Variants in CA7 observed in about 807,000 individuals in gnomAD.
CA7 encodes the protein carbonic anhydrase 7.
In CA7, 13 loss-of-function variants were observed where a neutral mutation model predicts 31.4. The ratio of observed to expected loss-of-function variants is 0.41; its 90% CI spans 0.27 to 0.66. The LOEUF (loss-of-function observed/expected upper bound fraction) is 0.66, where lower values mean the gene tolerates loss of function less well. Among genes scored for constraint, CA7 ranks in the 30% least tolerant of loss-of-function variants. The probability of loss-of-function intolerance (pLI) is 0.28; values close to 1 mark genes in which losing one functional copy is unlikely to be tolerated. For synonymous variants in CA7, 128 were observed against 133.2 expected (o/e 0.96, Z 0.27); for missense variants, 215 against 351.0 (o/e 0.61, Z 3.10).
intron 2 of CA7, 59 bp from the exon 3 acceptor site, chr16:66,850,482 T>C (rs1407643892): frequency 3.1e-6 from 3 of 965,264 alleles, no homozygotes; most frequent in Non-Finnish European, 5.1e-6. Context: ...GCCCTGGTCC[T>C]GGCACTGGGC....
chr16:66,844,536 A>G lies in CA7; in HGVS notation c.40+9A>G, dbSNP rs1474867649. The stretch of plus-strand genomic sequence containing the variant: ...CTACGGCCAGGACGACGGTAGGCAC[A>G]GACCTCCCCCACCGCCTCTGGCTCG... On this transcript the variant is annotated intron_variant, in intron 1 of 6. Coordinates refer to ENST00000338437, the MANE Select transcript of CA7 (RefSeq NM_005182.3). 1.9e-6 allele frequency: 3 copies of G among 1,540,704 alleles called. No homozygotes were observed. The highest frequency in any genetic ancestry group is 1.8e-6 in the Non-Finnish European group (2 of 1,142,676).
At chr16:66,851,863 G>C in intron 5 of CA7, 137 bp downstream of exon 5, 1 of 765,194 alleles carries the variant, frequency 1.3e-6, no homozygotes, top group Admixed American at 2.1e-5. Flanking sequence ...CATCAGCAGG[G>C]CCCTGCACCT....
Position 66,853,850 on chromosome 16 carries a change from C to T in CA7, c.*352C>T, listed in dbSNP as rs942226767. On this transcript the variant is annotated 3_prime_UTR_variant, in exon 7 of 7. Transcript: ENST00000338437. This position sits in a 1 kb window ranked among gnomAD's most constrained non-coding sequence, Gnocchi z 4.5. ...ATGGAGGAGACTGAGCTCCCTGGGG[C>T]GGGCAGCTGACACTACCAGAGAGAC... The T allele has an allele frequency of 2.5e-5, 6 of 240,804 alleles. No individual in the cohort carries two copies. Among genetic ancestry groups the T allele is most frequent in the African/African-American group, 4.4e-5 (2 of 45,474 alleles). 14.9% of individuals were successfully genotyped at this position (240,804 alleles called of 1,614,324 possible).
At chr16:66,850,332 CG>C (rs1167537385) in intron 2 of CA7, among the ~76,000 whole-genome samples, 1 of 151,592 alleles carries the variant, frequency 6.6e-6, no homozygotes, top group Non-Finnish European at 1.5e-5. Context: ...CCCAGCTACT[CG>C]GGGGGGCCAA....
rs894161726 is a variant in CA7 at position 66,853,189 on chromosome 16, C to T, written c.673-187C>T. 6.6e-6 allele frequency among the ~76,000 whole-genome samples: 1 copy of T among 152,022 alleles called. No homozygotes were observed. The highest frequency in any genetic ancestry group is 1.5e-5 in the Non-Finnish European group (1 of 68,014). ...GAACTAGGTAAAGCAGAGCCCAGAC[C>T]CTTTAGTGAGTAAATAAATGAGGGT... On this transcript the variant is annotated intron_variant, in intron 6 of 6. Transcript: ENST00000338437. The surrounding 1 kb of genome is among the most constrained non-coding windows in gnomAD (Gnocchi z 4.5).
In CA7 at chr16:66,853,033, G is replaced by A. The variant is rs1961098796; in HGVS notation, c.672+166G>A. ...TTCTTGGTTGGGAGTTAGCTTGATT[G>A]TTAATCACCAGAACCTAGACACTGG... On this transcript the variant is annotated intron_variant, in intron 6 of 6. Coordinates refer to ENST00000338437, the MANE Select transcript of CA7 (RefSeq NM_005182.3). The surrounding 1 kb of genome is among the most constrained non-coding windows in gnomAD (Gnocchi z 4.5). Among the ~76,000 whole-genome samples, 1 of 152,184 alleles carries A rather than the reference G, an allele frequency of 6.6e-6. No homozygotes were observed. The highest frequency in any genetic ancestry group is 1.5e-5 in the Non-Finnish European group (1 of 68,034).
At chr16:66,848,486 G>C (rs1242580808) in intron 2 of CA7, among the ~76,000 whole-genome samples, 1 of 152,210 alleles carries the variant, frequency 6.6e-6, no homozygotes, top group Non-Finnish European at 1.5e-5. Context: ...GAAGACACAG[G>C]GGGACATGCC....
In CA7 at chr16:66,853,602, G is replaced by A. The variant is rs1045398171; in HGVS notation, c.*104G>A. ...GGCTTCCTCCCTGGGGGGTGCTGGGGACCCTCCTTCAGCCAGTTTGCTCCT... is the reference window on the plus strand; with the variant it reads ...GGCTTCCTCCCTGGGGGGTGCTGGGAACCCTCCTTCAGCCAGTTTGCTCCT... On this transcript the variant is annotated 3_prime_UTR_variant, in exon 7 of 7. Transcript: ENST00000338437. This position sits in a 1 kb window ranked among gnomAD's most constrained non-coding sequence, Gnocchi z 4.5. 6.7e-7 allele frequency: 1 copy of A among 1,484,112 alleles called. No individual in the cohort carries two copies. Among genetic ancestry groups the A allele is most frequent in the Non-Finnish European group, 9.1e-7 (1 of 1,096,976 alleles). The allele number at this position is 1,484,112 out of a possible 1,614,324, so 91.9% of individuals were successfully genotyped here. A position where few individuals can be genotyped will look rare whatever the true frequency, so the allele number is the denominator to read the frequency against.
intron 5 of CA7, among the ~76,000 whole-genome samples, 173 bp from the exon 6 acceptor site, chr16:66,852,539 G>A (rs7187958): frequency 0.053 from 7,024 of 132,804 alleles, 627 homozygotes; most frequent in African/African-American, 0.22. Flanking sequence ...GGAAAGGAAG[G>A]AAGGAAGGAA....
At chr16:66,848,072 T>C (rs990683680) in intron 2 of CA7, among the ~76,000 whole-genome samples, 2 of 152,116 alleles carry the variant, frequency 1.3e-5, no homozygotes, top group East Asian at 1.9e-4. Context: ...TCCCCACAAA[T>C]ACAATAAAAG....
intron 1 of CA7, chr16:66,844,859 G>A: frequency 9.6e-7 from 1 of 1,042,582 alleles, no homozygotes. Context: ...TGCGCAGCGC[G>A]TGGGGGTGGC....
At chr16:66,852,609 A>T in intron 5 of CA7, 103 bp from the exon 6 acceptor site, 1 of 356,946 alleles carries the variant, frequency 2.8e-6, no homozygotes, top group Non-Finnish European at 4.4e-6. Flanking sequence ...AAAGAAAAGA[A>T]AAAAGAAAAG....
chr16:66,851,492 G>A lies in CA7; in HGVS notation c.387G>A (p.Lys129=). The A allele has an allele frequency of 6.2e-7, 1 of 1,614,204 alleles. No homozygotes were observed. Among genetic ancestry groups the A allele is most frequent in the Admixed American group, 1.7e-5 (1 of 60,016 alleles). The change falls in exon 4 of 7, where the codon AAG becomes AAA. Residue 129 remains lysine, a synonymous_variant. Coordinates refer to ENST00000338437, the MANE Select transcript of CA7 (RefSeq NM_005182.3). ...ATCTGGTTCACTGGAATGCCAAGAA[G>A]TACAGCACTTTTGGGGAGGCGGCCT... ...ELHLVHWNAK[K]YSTFGEAASA...
Position 66,853,563 on chromosome 16 carries a change from A to T in CA7, c.*65A>T. ...CTCAAGGGCTTCCATGTCAGCAGAC[A>T]CCAAACCATCTGAGGCTTCCTCCCT... On this transcript the variant is annotated 3_prime_UTR_variant, in exon 7 of 7. Transcript: ENST00000338437. This position sits in a 1 kb window ranked among gnomAD's most constrained non-coding sequence, Gnocchi z 4.5. 6.3e-7 allele frequency: 1 copy of T among 1,597,116 alleles called. No homozygotes were observed. Among genetic ancestry groups the T allele is most frequent in the Non-Finnish European group, 8.5e-7 (1 of 1,172,580 alleles).
intron 2 of CA7, among the ~76,000 whole-genome samples, chr16:66,847,843 C>T (rs1960960581): frequency 6.6e-6 from 1 of 152,116 alleles, no homozygotes; most frequent in South Asian, 2.1e-4. Flanking sequence ...AGTGGGAATT[C>T]GTGGCAGCTC....
chr16:66,850,706 C>A, intron 3 of CA7, 47 bp downstream of exon 3: 1 of 1,373,074 alleles, frequency 7.3e-7, no homozygotes, highest in Non-Finnish European at 1.0e-6. Context: ...TGGGAAGGAA[C>A]GCAGGCCTGG....
chr16:66,853,267 G>A lies in CA7; in HGVS notation c.673-109G>A. 5.1e-6 allele frequency: 7 copies of A among 1,360,402 alleles called. No individual in the cohort carries two copies. Among genetic ancestry groups the A allele is most frequent in the Non-Finnish European group, 5.2e-6 (5 of 967,438 alleles). The allele number at this position is 1,360,402 out of a possible 1,614,324, so 84.3% of individuals were successfully genotyped here. Reference sequence around the variant, plus strand: ...GTAGGGACAGACCCTAAGGGAAGGAGGAGGGAGGGGTAGAGCTGGCTGGGC... The same window carrying A: ...GTAGGGACAGACCCTAAGGGAAGGAAGAGGGAGGGGTAGAGCTGGCTGGGC... On this transcript the variant is annotated intron_variant, in intron 6 of 6. Coordinates refer to ENST00000338437, the MANE Select transcript of CA7 (RefSeq NM_005182.3). This position sits in a 1 kb window ranked among gnomAD's most constrained non-coding sequence, Gnocchi z 4.5.
intron 1 of CA7, chr16:66,844,812 G>T (rs1960888855): frequency 2.0e-5 from 17 of 870,730 alleles, no homozygotes; most frequent in Non-Finnish European, 2.6e-5. Flanking sequence ...AGCCCGCTCA[G>T]ACCCAGGCCC....
chr16:66,852,901 T>G lies in CA7; in HGVS notation c.672+34T>G, dbSNP rs201618818. The stretch of plus-strand genomic sequence containing the variant: ...TCTCAGAGGACCAGATGGAGGGACA[T>G]GGCACTCAGGGCTCACCCCAGGCAG... On this transcript the variant is annotated intron_variant, in intron 6 of 6. Coordinates refer to ENST00000338437, the MANE Select transcript of CA7 (RefSeq NM_005182.3). 1,498 of 1,600,298 alleles carry G rather than the reference T, an allele frequency of 9.4e-4. 20 individuals carry two copies. The African/African-American group carries it at 0.018, about 19-fold the overall frequency.
Sources: allele counts gnomAD v4.1 joint callset (sites outside exome capture counted in the v4.1 genomes callset), GRCh38; gene constraint gnomAD v4.1.1; non-coding constraint Gnocchi (gnomAD v3.1); transcripts MANE v1.5; gene names NCBI Gene and HGNC (gene_info 2026-07-23, HGNC 2026-07-21).